Variants in CCDC102B observed in about 807,000 individuals in gnomAD.
The protein encoded by CCDC102B is coiled-coil domain-containing protein 102B.
A neutral mutation model predicts 57.4 loss-of-function variants in CCDC102B; 75 were observed. That is an observed-to-expected ratio of 1.31 (90% confidence interval 1.08 to 1.58). The LOEUF (loss-of-function observed/expected upper bound fraction) is 1.58, where lower values mean the gene tolerates loss of function less well. CCDC102B is among the 40% of genes most tolerant of loss of function. The pLI, the probability that CCDC102B is intolerant of heterozygous loss-of-function variation, is 0.00. For synonymous variants in CCDC102B, 206 were observed against 201.9 expected (o/e 1.02, Z -0.17); for missense variants, 636 against 582.6 (o/e 1.09, Z -0.94).
intron 6 of CCDC102B, among the ~76,000 whole-genome samples, chr18:68,951,557 C>G (rs1025705327): frequency 6.6e-6 from 1 of 152,036 alleles, no homozygotes; most frequent in Non-Finnish European, 1.5e-5. Context: ...CCCGTAATCC[C>G]CGTACTTTGG....
chr18:68,726,903 A>T (rs938454524), intron 2 of CCDC102B, among the ~76,000 whole-genome samples: 1 of 152,160 alleles, frequency 6.6e-6, no homozygotes, highest in Non-Finnish European at 1.5e-5. Flanking sequence ...CCCTGTAAAG[A>T]CTGTAAAATT....
chr18:69,000,679 A>G, intron 6 of CCDC102B, among the ~76,000 whole-genome samples: 1 of 152,158 alleles, frequency 6.6e-6, no homozygotes, highest in East Asian at 1.9e-4. Context: ...ATAAGATGTT[A>G]AAGAATTATA....
At chr18:69,008,952 AG>A (rs1335396086) in intron 6 of CCDC102B, among the ~76,000 whole-genome samples, 3 of 152,200 alleles carry the variant, frequency 2.0e-5, no homozygotes, top group Non-Finnish European at 4.4e-5. Context: ...GGCCCATTTC[AG>A]GGACATTTAG....
At chr18:68,815,673 T>TACACACACAC (rs1297745318) in intron 1 of CCDC102B, among the ~76,000 whole-genome samples, 15 of 48,750 alleles carry the variant, frequency 3.1e-4, no homozygotes, top group African/African-American at 1.4e-3. Flanking sequence ...CACCTCCATT[T>TACACACACAC]ACATACACAC....
intron 6 of CCDC102B, among the ~76,000 whole-genome samples, chr18:68,956,071 C>T (rs1163798157): frequency 6.6e-6 from 1 of 151,460 alleles, no homozygotes; most frequent in Non-Finnish European, 1.5e-5. Flanking sequence ...CAAAGTTTGT[C>T]TTTCTGTGCC....
intron 6 of CCDC102B, 163 bp downstream of exon 6, chr18:68,897,591 G>A (rs561377627): frequency 2.4e-4 from 373 of 1,573,614 alleles, no homozygotes; most frequent in Non-Finnish European, 2.9e-4. Flanking sequence ...GTAAAATAAC[G>A]TTCATGCATC....
chr18:68,962,716 C>G (rs1302686725), intron 6 of CCDC102B, among the ~76,000 whole-genome samples: 1 of 151,946 alleles, frequency 6.6e-6, no homozygotes, highest in African/African-American at 2.4e-5. Flanking sequence ...AAATAAAATT[C>G]AAATCCTATT....
chr18:68,768,316 A>G (rs1385829146), intron 2 of CCDC102B, among the ~76,000 whole-genome samples: 1 of 152,232 alleles, frequency 6.6e-6, no homozygotes, highest in Non-Finnish European at 1.5e-5. Context: ...GTTTAACTGC[A>G]TATTCTGCCA....
chr18:68,737,695 G>T (rs962110448), intron 2 of CCDC102B, among the ~76,000 whole-genome samples: 1 of 152,088 alleles, frequency 6.6e-6, no homozygotes, highest in Non-Finnish European at 1.5e-5. Context: ...GATATCTTCT[G>T]CTCTGTCTCA....
intron 1 of CCDC102B, among the ~76,000 whole-genome samples, chr18:68,811,642 A>C (rs1188661488): frequency 6.6e-6 from 1 of 152,108 alleles, no homozygotes. Flanking sequence ...AAAACATAAG[A>C]AAGTCAACAA....
chr18:68,845,525 C>T lies in CCDC102B; in HGVS notation c.828-788C>T, dbSNP rs79731552. 8.6e-3 allele frequency among the ~76,000 whole-genome samples: 1,307 copies of T among 151,812 alleles called. 16 individuals carry two copies. Among genetic ancestry groups the T allele is most frequent in the East Asian group, 0.037 (190 of 5,170 alleles). ...GAGGAATGAGGAAAACAACTCTGTC[C>T]GTGGAAATGGAGGAATATCAATGAG... On this transcript the variant is annotated intron_variant, in intron 3 of 7. Transcript: ENST00000360242.
chr18:68,797,293 A>G (rs1040855526), upstream of CCDC102B, among the ~76,000 whole-genome samples: 2 of 152,114 alleles, frequency 1.3e-5, no homozygotes, highest in Non-Finnish European at 2.9e-5. Flanking sequence ...CTAAATTTCA[A>G]ATGTTGTTTT....
At chr18:69,014,263 C>T (rs2051599985) in intron 7 of CCDC102B, among the ~76,000 whole-genome samples, 2 of 152,184 alleles carry the variant, frequency 1.3e-5, no homozygotes, top group South Asian at 4.1e-4. Flanking sequence ...CTCCAAACTT[C>T]CATGAGAATG....
chr18:68,811,388 G>C (rs564316091), intron 1 of CCDC102B, among the ~76,000 whole-genome samples: 20 of 152,270 alleles, frequency 1.3e-4, no homozygotes, highest in Admixed American at 1.1e-3. Context: ...CGTGAGGTGG[G>C]CAGATCACCT....
At chr18:68,758,938 TA>T (rs551606637) in intron 2 of CCDC102B, among the ~76,000 whole-genome samples, 1,534 of 125,626 alleles carry the variant, frequency 0.012, 27 homozygotes, top group African/African-American at 0.04. Flanking sequence ...GAAAAAAACC[TA>T]AAAAAAAAAA....
At chr18:68,755,896 A>G (rs2034031138) in intron 2 of CCDC102B, among the ~76,000 whole-genome samples, 1 of 151,648 alleles carries the variant, frequency 6.6e-6, no homozygotes, top group Non-Finnish European at 1.5e-5. Flanking sequence ...AAATAAAAAT[A>G]CACATGCTTG....
intron 2 of CCDC102B, among the ~76,000 whole-genome samples, chr18:68,734,478 C>T (rs891540812): frequency 5.3e-5 from 8 of 152,194 alleles, no homozygotes; most frequent in Non-Finnish European, 1.0e-4. Flanking sequence ...TTATAGTCAT[C>T]ATCTGGCTTA....
intron 7 of CCDC102B, among the ~76,000 whole-genome samples, chr18:69,037,820 T>C (rs996306572): frequency 1.3e-5 from 2 of 152,030 alleles, no homozygotes; most frequent in Admixed American, 1.3e-4. Flanking sequence ...GTACGGAGTC[T>C]AATTTGTAGC....
chr18:68,974,485 C>T (rs1424069870), intron 6 of CCDC102B, among the ~76,000 whole-genome samples: 1 of 151,994 alleles, frequency 6.6e-6, no homozygotes, highest in African/African-American at 2.4e-5. Flanking sequence ...ATTTTAATAT[C>T]TGTCCACCTT....
Sources: gnomAD v4.1 joint callset for allele counts (sites outside exome capture counted in the v4.1 genomes callset) on GRCh38, gnomAD v4.1.1 for gene constraint, MANE v1.5 for transcripts, NCBI Gene and HGNC (gene_info 2026-07-23, HGNC 2026-07-21) for gene names.